The following APOM variants were observed in gnomAD, a reference collection of about 807,000 sequenced individuals.
APOM encodes the protein apolipoprotein M.
In APOM, 24 loss-of-function variants were observed where a neutral mutation model predicts 23.5. That is an observed-to-expected ratio of 1.02 (90% confidence interval 0.74 to 1.44). The LOEUF (loss-of-function observed/expected upper bound fraction) is 1.44. Among genes scored for constraint, APOM ranks in the 40% most tolerant of loss-of-function variants. The probability of loss-of-function intolerance (pLI) is 0.00; values close to 1 mark genes in which losing one functional copy is unlikely to be tolerated. For synonymous variants in APOM, 82 were observed against 84.1 expected (o/e 0.97, Z 0.14); for missense variants, 200 against 233.2 (o/e 0.86, Z 0.93).
At position 31,657,248 on chromosome 6, in the gene APOM, G is replaced by A. The variant is rs747967562; in HGVS notation, c.293G>A (p.Arg98Gln). ...AGGAAAGATGGGCTCTGTGTGCCCC[G>A]GAAATGGATCTACCACCTGACTGAA... ...IRMKDGLCVP[R>Q]KWIYHLTEGS... Residue 98 changes from arginine to glutamine, a missense_variant, in exon 3 of 6, where the codon CGG becomes CAG. By Grantham distance (43) the Arg-to-Gln change is conservative. Transcript: ENST00000375916. 22 of 1,612,898 alleles carry A rather than the reference G, an allele frequency of 1.4e-5. No individual in the cohort carries two copies. Among genetic ancestry groups the A allele is most frequent in the South Asian group, 1.2e-4 (11 of 91,084 alleles).
At chr6:31,657,756 G>A in intron 5 of APOM, 33 bp downstream of exon 5, 1 of 1,564,688 alleles carries the variant, frequency 6.4e-7, no homozygotes, top group Non-Finnish European at 8.8e-7. Flanking sequence ...AACAGGATTA[G>A]GACTCACCAA....
upstream of APOM, among the ~76,000 whole-genome samples, chr6:31,654,364 C>T (rs9267528): frequency 5.8e-3 from 886 of 152,194 alleles, 8 homozygotes; most frequent in Middle Eastern, 0.01. Context: ...CCTCAGCCCT[C>T]GGCAAATTTT....
upstream of APOM, among the ~76,000 whole-genome samples, chr6:31,655,307 A>C (rs558752037): frequency 7.9e-5 from 12 of 152,340 alleles, no homozygotes; most frequent in South Asian, 1.9e-3. Flanking sequence ...CAGATTACAT[A>C]GCCTCTTTGT....
upstream of APOM, among the ~76,000 whole-genome samples, chr6:31,653,050 T>A (rs971729119): frequency 9.9e-5 from 15 of 152,146 alleles, 1 homozygote; most frequent in Admixed American, 4.6e-4. Context: ...TCTCGGTTGC[T>A]TGGTTGGGCT....
intron 5 of APOM, 34 bp downstream of exon 5, chr6:31,657,757 G>C (rs1043943934): frequency 1.3e-6 from 2 of 1,555,666 alleles, no homozygotes; most frequent in Non-Finnish European, 1.8e-6. Context: ...ACAGGATTAG[G>C]ACTCACCAAG....
Position 31,658,176 on chromosome 6 carries a change from C to T in APOM, c.*87C>T, listed in dbSNP as rs574907406. On this transcript the variant is annotated 3_prime_UTR_variant, in exon 6 of 6. Coordinates refer to ENST00000375916, the MANE Select transcript of APOM (RefSeq NM_019101.3). ...GCTGGAGACTTCCAGCTCCAGCTCCCACTCAAGATAATAAAGATAATTTTT... is the reference window on the plus strand; with the variant it reads ...GCTGGAGACTTCCAGCTCCAGCTCCTACTCAAGATAATAAAGATAATTTTT... 4 of 1,431,208 alleles carry T rather than the reference C, an allele frequency of 2.8e-6. No individual in the cohort carries two copies. In the South Asian group the frequency reaches 4.6e-5, roughly 16 times the overall value. The allele number at this position is 1,431,208 out of a possible 1,614,324, so 88.7% of individuals were successfully genotyped here.
chr6:31,654,114 G>A (rs983548806), upstream of APOM, among the ~76,000 whole-genome samples: 3 of 151,758 alleles, frequency 2.0e-5, no homozygotes, highest in Non-Finnish European at 2.9e-5. Context: ...GCGTGGTGGC[G>A]GGCGCCTGTA....
rs764298278 is a variant in APOM at position 31,657,341 on chromosome 6, G to A, written c.344-39G>A. 6 of 1,612,862 alleles carry A rather than the reference G, an allele frequency of 3.7e-6. No individual in the cohort carries two copies. In the African/African-American group the frequency reaches 5.3e-5, roughly 14 times the overall value. On this transcript the variant is annotated intron_variant, in intron 3 of 5. Transcript: ENST00000375916. ...CTCACCCTCCCTTGAGTTTGGTTCT[G>A]CATCTCTGTTCTCATACTTCTCCCA...
intron 5 of APOM, 115 bp downstream of exon 5, chr6:31,657,838 TCACCTGAGG>T: frequency 9.2e-7 from 1 of 1,086,274 alleles, no homozygotes; most frequent in Non-Finnish European, 1.4e-6. Flanking sequence ...AGCTGTGATG[TCACCTGAGG>T]GAGGCAGGAT....
chr6:31,654,384 T>A (rs554445191), upstream of APOM, among the ~76,000 whole-genome samples: 1 of 152,230 alleles, frequency 6.6e-6, no homozygotes, highest in Non-Finnish European at 1.5e-5. Flanking sequence ...TTTGTGGCAG[T>A]CCATGGGATA....
At position 31,657,405 on chromosome 6, in the gene APOM, C is replaced by T; in HGVS notation, c.369C>T (p.Leu123=). The change falls in exon 4 of 6, where the codon CTC becomes CTT. Residue 123 remains leucine (L), a synonymous_variant. Transcript: ENST00000375916. ...TEGRPDMKTE[L]FSSSCPGGIM... is the part of the protein sequence containing the mutation. ...GCCGCCCTGACATGAAGACTGAGCTCTTTTCCAGCTCATGCCCAGGTGGAA... is the reference window on the plus strand; with the variant it reads ...GCCGCCCTGACATGAAGACTGAGCTTTTTTCCAGCTCATGCCCAGGTGGAA... 1 of 1,613,064 alleles carries T rather than the reference C, an allele frequency of 6.2e-7. No individual in the cohort carries two copies. The highest frequency in any genetic ancestry group is 1.3e-5 in the African/African-American group (1 of 75,044).
At chr6:31,658,025 C>A (rs1800327174) in intron 5 of APOM, 39 bp from the exon 6 acceptor site, 1 of 1,613,328 alleles carries the variant, frequency 6.2e-7, no homozygotes. Flanking sequence ...TCTCCCTGGA[C>A]TTCCCTTCTG....
In APOM at chr6:31,657,367, C is replaced by T. The variant is rs1800216653; in HGVS notation, c.344-13C>T. 1.9e-6 allele frequency: 3 copies of T among 1,613,054 alleles called. No homozygotes were observed. In the South Asian group the frequency reaches 3.3e-5, roughly 18 times the overall value. ...CATCTCTGTTCTCATACTTCTCCCA[C>T]CTGCCTTGACAGGCCGCCCTGACAT... On this transcript the variant is annotated splice_polypyrimidine_tract_variant and intron_variant, in intron 3 of 5. Transcript: ENST00000375916.
chr6:31,658,164 A>T lies in APOM; in HGVS notation c.*75A>T. ...TTGGAGGGAGAAGCTGGAGACTTCC[A>T]GCTCCAGCTCCCACTCAAGATAATA... On this transcript the variant is annotated 3_prime_UTR_variant, in exon 6 of 6. Transcript: ENST00000375916. 47 of 1,474,404 alleles carry T rather than the reference A, an allele frequency of 3.2e-5. No homozygotes were observed. Among genetic ancestry groups the T allele is most frequent in the Non-Finnish European group, 4.5e-5 (47 of 1,053,340 alleles). The allele number at this position is 1,474,404 out of a possible 1,614,324, so 91.3% of individuals were successfully genotyped here.
chr6:31,656,017 T>C lies in APOM; in HGVS notation c.51T>C (p.Leu17=). The C allele has an allele frequency of 6.3e-7, 1 of 1,598,658 alleles. No individual in the cohort carries two copies. The highest frequency in any genetic ancestry group is 8.5e-7 in the Non-Finnish European group (1 of 1,172,510). Residue 17 remains leucine (L), a synonymous_variant, in exon 1 of 6, where the codon CTT becomes CTC. Transcript: ENST00000375916. ...AALLYFYGII[L]NSIYQCPEHS... is the part of the protein sequence containing the mutation. ...TGCTCTACTTCTATGGTATTATCCT[T>C]AACTCCATCTACCAGTGCCCTGAGC...
chr6:31,657,530 G>A (rs1329269453), intron 4 of APOM, 52 bp downstream of exon 4: 3 of 1,604,874 alleles, frequency 1.9e-6, no homozygotes, highest in South Asian at 1.1e-5. Context: ...GGGAGGGCAG[G>A]AGAACTCCTC....
At chr6:31,653,989 G>A (rs79177639), upstream of APOM, among the ~76,000 whole-genome samples, 37 of 152,178 alleles carry the variant, frequency 2.4e-4, 1 homozygote, top group East Asian at 2.3e-3. Context: ...TCGGCCGGGC[G>A]CAGTGACTCA....
chr6:31,657,576 A>G (rs1212481360), intron 4 of APOM, 49 bp from the exon 5 acceptor site: 2 of 1,590,792 alleles, frequency 1.3e-6, no homozygotes, highest in Non-Finnish European at 1.7e-6. Flanking sequence ...AGGAAGAGCT[A>G]GGTGCTTCCA....
chr6:31,655,822 T>A, upstream of APOM: 1 of 606,174 alleles, frequency 1.6e-6, no homozygotes, highest in Non-Finnish European at 3.0e-6. Flanking sequence ...CAGGTTTGGG[T>A]TGGAAAACAA....
Sources: allele counts gnomAD v4.1 joint callset (sites outside exome capture counted in the v4.1 genomes callset), GRCh38; gene constraint gnomAD v4.1.1; transcripts MANE v1.5; gene names NCBI Gene and HGNC (gene_info 2026-07-23, HGNC 2026-07-21).